The following APBB2 variants were observed in gnomAD, a reference collection of about 807,000 sequenced individuals.
The protein encoded by APBB2 is Fe65-like 1.
A neutral mutation model predicts 82.5 loss-of-function variants in APBB2; 38 were observed. That is an observed-to-expected ratio of 0.46 (90% CI 0.36 to 0.60). APBB2 has a LOEUF of 0.60. Among genes scored for constraint, APBB2 ranks in the 20% least tolerant of loss-of-function variants. The pLI, the probability that APBB2 is intolerant of heterozygous loss-of-function variation, is 0.00. For missense variants in APBB2, 772 were observed against 972.3 expected (o/e 0.79, Z 2.74); for synonymous variants, 341 against 368.2 (o/e 0.93, Z 0.85).
rs187173874 is a variant in APBB2 at position 41,141,951 on chromosome 4, C to T, written c.-261+1036G>A. ...TCAAGATGAGATTTGGGTGGGGACA[C>T]AGCCAAACCATATCACTGGCCACGC... On this transcript the variant is annotated intron_variant, in intron 2 of 17. Coordinates refer to ENST00000508593, the MANE Select transcript of APBB2 (RefSeq NM_004307.2). 2.9e-3 allele frequency among the ~76,000 whole-genome samples: 442 copies of T among 152,308 alleles called. 3 individuals are homozygous for T. The highest frequency in any genetic ancestry group is 9.4e-3 in the African/African-American group (389 of 41,560).
At chr4:40,910,046 A>G (rs567810186) in intron 10 of APBB2, among the ~76,000 whole-genome samples, 1 of 152,024 alleles carries the variant, frequency 6.6e-6, no homozygotes, top group South Asian at 2.1e-4. Flanking sequence ...TCTGTCTCCC[A>G]GTTTCAAGTG....
At chr4:40,995,106 T>C (rs1275758573) in intron 6 of APBB2, among the ~76,000 whole-genome samples, 3 of 152,070 alleles carry the variant, frequency 2.0e-5, no homozygotes, top group Non-Finnish European at 4.4e-5. Flanking sequence ...ATTTAAATAT[T>C]TGATTCATCC....
intron 10 of APBB2, among the ~76,000 whole-genome samples, chr4:40,906,464 C>CAAAAAAAAAAAAAAA (rs5857755): frequency 1.0e-4 from 7 of 67,966 alleles, no homozygotes; most frequent in East Asian, 4.7e-4. Flanking sequence ...AAACCTGTCT[C>CAAAAAAAAAAAAAAA]AAAAAAAAAA....
At chr4:41,011,380 G>A (rs1377054082) in intron 6 of APBB2, among the ~76,000 whole-genome samples, 2 of 150,522 alleles carry the variant, frequency 1.3e-5, no homozygotes, top group Admixed American at 6.6e-5. Flanking sequence ...AGGGTTTCAC[G>A]ATATTGGTCA....
intron 12 of APBB2, among the ~76,000 whole-genome samples, chr4:40,830,806 T>C: frequency 6.6e-6 from 1 of 152,220 alleles, no homozygotes. Context: ...CAGTGGCTCA[T>C]GTCTGTAATC....
At chr4:40,860,291 T>C (rs1372983866) in intron 12 of APBB2, among the ~76,000 whole-genome samples, 1 of 152,114 alleles carries the variant, frequency 6.6e-6, no homozygotes, top group Admixed American at 6.5e-5. Flanking sequence ...GGTGGGCGCT[T>C]GGCCCATGCA....
chr4:41,153,375 T>A (rs1388914009), intron 1 of APBB2, among the ~76,000 whole-genome samples: 3 of 152,218 alleles, frequency 2.0e-5, no homozygotes, highest in Non-Finnish European at 4.4e-5. Context: ...AGTCTTAAAC[T>A]AATCATCTTC....
chr4:40,823,033 G>A (rs2154296788), intron 16 of APBB2, among the ~76,000 whole-genome samples: 1 of 152,326 alleles, frequency 6.6e-6, no homozygotes. Context: ...GCAGGCTGAT[G>A]ACTGGTGGTC....
chr4:41,038,233 A>AATAG (rs1197771625), intron 4 of APBB2, among the ~76,000 whole-genome samples: 31 of 150,960 alleles, frequency 2.1e-4, no homozygotes, highest in East Asian at 5.8e-4. Context: ...TAAATAAATA[A>AATAG]ATAGATAAAT....
chr4:41,093,463 T>C (rs552104133), intron 3 of APBB2, among the ~76,000 whole-genome samples: 132 of 152,274 alleles, frequency 8.7e-4, no homozygotes, highest in African/African-American at 3.2e-3. Context: ...TTTTTTTCCC[T>C]AAGTTCCTAA....
chr4:41,018,635 T>A (rs1469091062), intron 5 of APBB2, among the ~76,000 whole-genome samples: 2 of 152,176 alleles, frequency 1.3e-5, no homozygotes, highest in Admixed American at 6.5e-5. Flanking sequence ...TTTCCTCTAG[T>A]ATATTCTCCG....
chr4:40,985,107 G>T (rs929002485), intron 6 of APBB2, among the ~76,000 whole-genome samples: 2 of 151,896 alleles, frequency 1.3e-5, no homozygotes, highest in South Asian at 2.1e-4. Context: ...TAGAGATGGG[G>T]TTTCACCATA....
chr4:40,843,050 C>T (rs944249290), intron 12 of APBB2, among the ~76,000 whole-genome samples: 3 of 152,206 alleles, frequency 2.0e-5, no homozygotes, highest in Admixed American at 2.0e-4. Flanking sequence ...CTACCCAGAG[C>T]TGTCCTGAGC....
chr4:41,014,323 G>A lies in APBB2; in HGVS notation c.95C>T (p.Pro32Leu). Residue 32 changes from proline to leucine, a missense_variant, in exon 6 of 18, where the codon CCA becomes CTA. Physicochemically the swap from Pro to Leu is moderately conservative, Grantham distance 98. Transcript: ENST00000508593. ...GTTAAGGGTGTTTGGTGGTGTGGCT[G>A]GGCTGTTCCGATTTGTGACGTCTGT... ...GTTDVTNRNSPATPPNTLNLR... is the reference protein window; with the variant it reads ...GTTDVTNRNSLATPPNTLNLR... 1 of 1,614,134 alleles carries A rather than the reference G, an allele frequency of 6.2e-7. No individual in the cohort carries two copies. The highest frequency in any genetic ancestry group is 8.5e-7 in the Non-Finnish European group (1 of 1,180,022).
At chr4:40,973,100 T>C (rs1796348934) in intron 6 of APBB2, among the ~76,000 whole-genome samples, 1 of 152,324 alleles carries the variant, frequency 6.6e-6, no homozygotes, top group Middle Eastern at 3.4e-3. Flanking sequence ...ATGTGCAGAA[T>C]ATTCTCCAAT....
chr4:41,137,647 T>C (rs1243312179), intron 2 of APBB2, among the ~76,000 whole-genome samples: 2 of 152,284 alleles, frequency 1.3e-5, no homozygotes, highest in Admixed American at 1.3e-4. Flanking sequence ...AGTGTGGTAC[T>C]AGCATAAGGA....
intron 17 of APBB2, 104 bp downstream of exon 17, chr4:40,821,767 G>T: frequency 7.6e-7 from 1 of 1,321,680 alleles, no homozygotes; most frequent in Non-Finnish European, 1.0e-6. Context: ...TTACTTTAGG[G>T]ATTCGACTTT....
chr4:40,946,421 C>T (rs1308031524), intron 6 of APBB2, among the ~76,000 whole-genome samples: 2 of 151,610 alleles, frequency 1.3e-5, no homozygotes, highest in Admixed American at 6.6e-5. Context: ...ATCCCAATTC[C>T]AGAAAATAAT....
At chr4:41,108,295 T>C (rs1747965916) in intron 2 of APBB2, among the ~76,000 whole-genome samples, 1 of 152,138 alleles carries the variant, frequency 6.6e-6, no homozygotes, top group African/African-American at 2.4e-5. Flanking sequence ...ATAAAGGAGC[T>C]AATGGTTGAA....
Sources: gnomAD v4.1 joint callset for allele counts (sites outside exome capture counted in the v4.1 genomes callset) on GRCh38, gnomAD v4.1.1 for gene constraint, MANE v1.5 for transcripts, NCBI Gene and HGNC (gene_info 2026-07-23, HGNC 2026-07-21) for gene names.